The following CLOCK variants were observed in gnomAD, a reference collection of about 807,000 sequenced individuals.
CLOCK encodes circadian locomoter output cycles protein kaput.
In CLOCK, 43 loss-of-function variants were observed where a neutral mutation model predicts 118.4. That is an observed-to-expected ratio of 0.36 (90% CI 0.28 to 0.47). The LOEUF is 0.47. CLOCK is among the 20% of genes least tolerant of loss of function. The probability of loss-of-function intolerance (pLI) is 1.00; values close to 1 mark genes in which losing one functional copy is unlikely to be tolerated. For missense variants in CLOCK, 846 were observed against 999.9 expected (o/e 0.85, Z 2.08); for synonymous variants, 326 against 339.2 (o/e 0.96, Z 0.43).
At chr4:55,482,877 C>A in intron 3 of CLOCK, 49 bp from the exon 4 acceptor site, 1 of 843,542 alleles carries the variant, frequency 1.2e-6, no homozygotes, top group South Asian at 1.6e-5. Context: ...AAAAATGTTA[C>A]TTCCACAAAC....
chr4:55,533,798 G>C (rs1338913777), intron 1 of CLOCK, among the ~76,000 whole-genome samples: 4 of 152,186 alleles, frequency 2.6e-5, no homozygotes, highest in African/African-American at 9.6e-5. Flanking sequence ...AGCTACTCGG[G>C]AGGCTGAGGC....
intron 3 of CLOCK, among the ~76,000 whole-genome samples, chr4:55,486,779 T>G (rs942648442): frequency 6.6e-6 from 1 of 152,190 alleles, no homozygotes; most frequent in African/African-American, 2.4e-5. Flanking sequence ...TTTATTTCAC[T>G]CTGGAAACTC....
chr4:55,544,823 T>C (rs1731501209), intron 1 of CLOCK, among the ~76,000 whole-genome samples: 1 of 152,164 alleles, frequency 6.6e-6, no homozygotes, highest in Admixed American at 6.6e-5. Context: ...GTTTTCTAAA[T>C]CCTCCCATAA....
intron 1 of CLOCK, among the ~76,000 whole-genome samples, chr4:55,522,280 T>A (rs960435327): frequency 6.6e-6 from 1 of 151,882 alleles, no homozygotes; most frequent in Non-Finnish European, 1.5e-5. Context: ...AGAAAAAAAA[T>A]AATATATTTG....
At chr4:55,532,135 A>C (rs1382043755) in intron 1 of CLOCK, among the ~76,000 whole-genome samples, 1 of 152,152 alleles carries the variant, frequency 6.6e-6, no homozygotes, top group East Asian at 1.9e-4. Flanking sequence ...CCATGATAAA[A>C]ACACTCAATA....
intron 1 of CLOCK, among the ~76,000 whole-genome samples, chr4:55,526,840 G>A (rs1266249887): frequency 2.6e-5 from 4 of 151,688 alleles, no homozygotes; most frequent in East Asian, 1.9e-4. Context: ...CCAGCTACTC[G>A]GGAGGCTGAG....
chr4:55,479,627 C>T lies in CLOCK; in HGVS notation c.107+13G>A. On this transcript the variant is annotated intron_variant, in intron 5 of 22. Transcript: ENST00000513440. ...TTCATTCATTTACTATTTTATATCTCTAATCAAACTACCTTTTCGCTTTGT... is the reference window on the plus strand; with the variant it reads ...TTCATTCATTTACTATTTTATATCTTTAATCAAACTACCTTTTCGCTTTGT... 1.3e-6 allele frequency: 2 copies of T among 1,593,522 alleles called. No individual in the cohort carries two copies. The highest frequency in any genetic ancestry group is 1.3e-5 in the African/African-American group (1 of 74,580).
intron 1 of CLOCK, among the ~76,000 whole-genome samples, chr4:55,522,286 A>C (rs1226959520): frequency 6.6e-6 from 1 of 152,140 alleles, no homozygotes; most frequent in Non-Finnish European, 1.5e-5. Flanking sequence ...AAAATAATAT[A>C]TTTGGCTTCA....
At chr4:55,448,600 G>GCA (rs1220918078) in intron 18 of CLOCK, among the ~76,000 whole-genome samples, 179 bp downstream of exon 18, 3 of 52,062 alleles carry the variant, frequency 5.8e-5, no homozygotes, top group African/African-American at 2.7e-4. Context: ...GCGCACGCGC[G>GCA]CGTGTGTGTG....
At chr4:55,436,500 T>C (rs1722886103) in intron 22 of CLOCK, among the ~76,000 whole-genome samples, 1 of 152,200 alleles carries the variant, frequency 6.6e-6, no homozygotes, top group East Asian at 1.9e-4. Context: ...ATTTTTACAA[T>C]GAAAGTCCTT....
chr4:55,483,129 C>T (rs78666604), intron 3 of CLOCK, among the ~76,000 whole-genome samples: 4,121 of 152,200 alleles, frequency 0.027, 197 homozygotes, highest in African/African-American at 0.094. Flanking sequence ...TATATAACTA[C>T]AAATAGTCTG....
At chr4:55,522,786 T>C (rs1385038110) in intron 1 of CLOCK, among the ~76,000 whole-genome samples, 1 of 152,144 alleles carries the variant, frequency 6.6e-6, no homozygotes, top group Non-Finnish European at 1.5e-5. Context: ...AACATGCACA[T>C]GTACACACAC....
intron 8 of CLOCK, among the ~76,000 whole-genome samples, chr4:55,470,224 G>A (rs937420548): frequency 6.6e-6 from 1 of 152,124 alleles, no homozygotes; most frequent in Non-Finnish European, 1.5e-5. Context: ...TTCATGGTGA[G>A]TGCCCTATAC....
chr4:55,450,110 C>G lies in CLOCK; in HGVS notation c.1329G>C (p.Thr443=), dbSNP rs374332338. The G allele has an allele frequency of 1.7e-5, 27 of 1,613,852 alleles. No individual in the cohort carries two copies. Among genetic ancestry groups the G allele is most frequent in the Non-Finnish European group, 2.2e-5 (26 of 1,179,976 alleles). The change falls in exon 16 of 23, where the codon ACG becomes ACC. Residue 443 remains threonine (T), a synonymous_variant. Coordinates refer to ENST00000513440, the MANE Select transcript of CLOCK (RefSeq NM_004898.4). The stretch of plus-strand genomic sequence containing the variant: ...ACTCACAGGAAGGGTCTGAGACGGC[C>G]GTGTGAGATGATTTTCTTGAACTCC... ...SSRSSRKSSH[T]AVSDPSSTPT...
intron 1 of CLOCK, among the ~76,000 whole-genome samples, chr4:55,529,786 C>A (rs2035691): frequency 2.0e-5 from 3 of 151,938 alleles, no homozygotes; most frequent in African/African-American, 4.8e-5. Flanking sequence ...GTGATCTAAA[C>A]CCACACAGTC....
intron 7 of CLOCK, among the ~76,000 whole-genome samples, chr4:55,475,541 A>G (rs906292273): frequency 6.6e-6 from 1 of 152,182 alleles, no homozygotes; most frequent in Admixed American, 6.6e-5. Context: ...AAATCTTGAA[A>G]GGAAGAGTGA....
At chr4:55,450,308 C>A (rs766076877) in intron 15 of CLOCK, 76 bp from the exon 16 acceptor site, 11 of 1,574,884 alleles carry the variant, frequency 7.0e-6, no homozygotes, top group Non-Finnish European at 9.6e-6. Flanking sequence ...CTGTTAACAA[C>A]AACAAAAAAA....
At chr4:55,484,958 A>C (rs1727194541) in intron 3 of CLOCK, among the ~76,000 whole-genome samples, 1 of 150,902 alleles carries the variant, frequency 6.6e-6, no homozygotes, top group Admixed American at 6.6e-5. Flanking sequence ...ACAACGTAAG[A>C]TCTCTCTCTC....
At position 55,510,629 on chromosome 4, in the gene CLOCK, TAAAAAAAAAA is replaced by T. The variant is rs3842583; in HGVS notation, c.-289-574_-289-565del. On this transcript the variant is annotated intron_variant, in intron 1 of 22. Coordinates refer to ENST00000513440, the MANE Select transcript of CLOCK (RefSeq NM_004898.4). ...GCGACAGAACAAGACTCTGTCTTTT[TAAAAAAAAAA>T]AAAAAAAAAAAAAAGGTTTCCCTAA... Among the ~76,000 whole-genome samples the T allele has an allele frequency of 4.4e-3, 455 of 104,318 alleles. 1 individual carries two copies. The highest frequency in any genetic ancestry group is 0.017 in the African/African-American group (415 of 24,578). 68.4% of individuals were successfully genotyped at this position (104,318 alleles called of 152,430 possible).
Sources: allele counts gnomAD v4.1 joint callset (sites outside exome capture counted in the v4.1 genomes callset), GRCh38; gene constraint gnomAD v4.1.1; transcripts MANE v1.5; gene names NCBI Gene and HGNC (gene_info 2026-07-23, HGNC 2026-07-21).